The following EML5 variants were observed in gnomAD, a reference collection of about 807,000 sequenced individuals.
EML5 encodes the protein EMAP like 5.
Under a neutral mutation model 250.0 loss-of-function variants are expected in EML5, and 120 were observed. The observed-to-expected ratio is 0.48, with a 90% CI of 0.41 to 0.56. The LOEUF (loss-of-function observed/expected upper bound fraction) is 0.56, where lower values mean the gene tolerates loss of function less well. EML5 is among the 20% of genes least tolerant of loss of function. The probability of loss-of-function intolerance (pLI) is 0.00; values close to 1 mark genes in which losing one functional copy is unlikely to be tolerated. For synonymous variants in EML5, 771 were observed against 806.5 expected (o/e 0.96, Z 0.75); for missense variants, 2,006 against 2,437.6 (o/e 0.82, Z 3.73).
At chr14:88,657,559 T>G in intron 26 of EML5, 57 bp from the exon 27 acceptor site, 1 of 1,462,840 alleles carries the variant, frequency 6.8e-7, no homozygotes, top group Non-Finnish European at 9.1e-7. Context: ...AATTATGATC[T>G]TATAAATTGG....
intron 21 of EML5, among the ~76,000 whole-genome samples, chr14:88,668,632 A>AAAAGAGGG (rs2092373363): frequency 6.6e-6 from 1 of 152,124 alleles, no homozygotes; most frequent in South Asian, 2.1e-4. Context: ...GTTCTGCTAC[A>AAAAGAGGG]AAAGAGGGAA....
chr14:88,648,568 G>A (rs1169494764), intron 28 of EML5, among the ~76,000 whole-genome samples: 3 of 151,926 alleles, frequency 2.0e-5, no homozygotes, highest in African/African-American at 7.3e-5. Flanking sequence ...GATTGGCTAG[G>A]CTGATCTTTA....
At chr14:88,728,638 G>A (rs769212425) in intron 7 of EML5, among the ~76,000 whole-genome samples, 19 of 152,044 alleles carry the variant, frequency 1.2e-4, no homozygotes, top group Non-Finnish European at 2.4e-4. Flanking sequence ...GAAGAGAAGA[G>A]GCTTGTCTTA....
At chr14:88,697,404 T>C (rs1380606451) in intron 14 of EML5, among the ~76,000 whole-genome samples, 1 of 152,080 alleles carries the variant, frequency 6.6e-6, no homozygotes, top group East Asian at 1.9e-4. Flanking sequence ...GTACTGGAGG[T>C]GGGCCTTCAG....
chr14:88,779,920 T>C (rs1048548067), intron 1 of EML5, among the ~76,000 whole-genome samples: 6 of 152,136 alleles, frequency 3.9e-5, no homozygotes, highest in Admixed American at 1.3e-4. Flanking sequence ...TGTGAGGAAA[T>C]AATTCTCTAT....
chr14:88,747,189 A>G (rs1175149582), intron 2 of EML5, among the ~76,000 whole-genome samples: 3 of 152,076 alleles, frequency 2.0e-5, no homozygotes, highest in Admixed American at 6.5e-5. Flanking sequence ...AGGCAGGTGG[A>G]TTGCTTGAGG....
intron 4 of EML5, among the ~76,000 whole-genome samples, chr14:88,742,986 C>T (rs1329409790): frequency 6.6e-6 from 1 of 151,954 alleles, no homozygotes. Context: ...AAGTTAATTC[C>T]AATTTGTTCC....
At chr14:88,645,002 G>A (rs1400310168) in intron 29 of EML5, among the ~76,000 whole-genome samples, 1 of 151,814 alleles carries the variant, frequency 6.6e-6, no homozygotes, top group Non-Finnish European at 1.5e-5. Context: ...TCAGGAGTGA[G>A]CCACCACACC....
At chr14:88,621,981 A>G in intron 37 of EML5, 1 of 421,852 alleles carries the variant, frequency 2.4e-6, no homozygotes, top group Non-Finnish European at 4.8e-6. Flanking sequence ...TACTATTCCT[A>G]TCTGGCTGTG....
intron 1 of EML5, among the ~76,000 whole-genome samples, chr14:88,791,493 T>C (rs2094607750): frequency 6.6e-6 from 1 of 152,212 alleles, no homozygotes. Context: ...AAGACACTGA[T>C]TGAAAATTAC....
At chr14:88,762,226 AC>A (rs1006551297) in intron 1 of EML5, among the ~76,000 whole-genome samples, 1 of 152,138 alleles carries the variant, frequency 6.6e-6, no homozygotes, top group African/African-American at 2.4e-5. Flanking sequence ...TTACAAAGAC[AC>A]GGGCCATGCG....
At chr14:88,643,117 C>T in intron 30 of EML5, 95 bp from the exon 31 acceptor site, 1 of 1,168,590 alleles carries the variant, frequency 8.6e-7, no homozygotes, top group South Asian at 1.9e-5. Context: ...TGTCTGCAGT[C>T]AAAATGGAGT....
At position 88,613,575 on chromosome 14, in the gene EML5, A is replaced by G. The variant is rs1228195715; in HGVS notation, c.*2243T>C. ...TTAAGAGTTTAATCTTTCAGTTGCT[A>G]TGGCTTATGAACAAGCTAAGGTTGA... On this transcript the variant is annotated 3_prime_UTR_variant, in exon 44 of 44. Transcript: ENST00000554922. 1 of 152,128 alleles carries G rather than the reference A, an allele frequency of 6.6e-6. No individual in the cohort carries two copies. The highest frequency in any genetic ancestry group is 6.5e-5 in the Admixed American group (1 of 15,270). 9.4% of individuals were successfully genotyped at this position (152,128 alleles called of 1,614,324 possible).
chr14:88,766,476 G>T (rs184046746), intron 1 of EML5, among the ~76,000 whole-genome samples: 2 of 152,110 alleles, frequency 1.3e-5, no homozygotes, highest in African/African-American at 4.8e-5. Flanking sequence ...GTCTCCCATA[G>T]CGCTCCCAGG....
chr14:88,657,681 G>A (rs550394242), intron 26 of EML5, among the ~76,000 whole-genome samples, 179 bp from the exon 27 acceptor site: 1 of 152,172 alleles, frequency 6.6e-6, no homozygotes, highest in South Asian at 2.1e-4. Flanking sequence ...ATGTAATGAT[G>A]TTTTCAAAGT....
chr14:88,759,032 G>A (rs28708816), intron 1 of EML5, among the ~76,000 whole-genome samples: 3,561 of 152,252 alleles, frequency 0.023, 138 homozygotes, highest in African/African-American at 0.082. Flanking sequence ...TAATGAGCTT[G>A]GGAATTTTTT....
intron 14 of EML5, among the ~76,000 whole-genome samples, chr14:88,697,485 A>G (rs1477078917): frequency 6.6e-6 from 1 of 152,194 alleles, no homozygotes; most frequent in African/African-American, 2.4e-5. Context: ...AGAGGGGGTT[A>G]AAGTACCAAG....
chr14:88,622,910 C>A (rs535733433), intron 36 of EML5, 192 bp from the exon 37 acceptor site: 38 of 422,594 alleles, frequency 9.0e-5, no homozygotes, highest in African/African-American at 4.7e-4. Flanking sequence ...AAATAAACAT[C>A]CAGTTTCAGT....
At chr14:88,789,489 A>T (rs2094585127) in intron 1 of EML5, among the ~76,000 whole-genome samples, 1 of 151,660 alleles carries the variant, frequency 6.6e-6, no homozygotes, top group African/African-American at 2.4e-5. Context: ...CACCACTGGC[A>T]ATCCCAGGTG....
Sources: gnomAD v4.1 joint callset for allele counts (sites outside exome capture counted in the v4.1 genomes callset) on GRCh38, gnomAD v4.1.1 for gene constraint, MANE v1.5 for transcripts, NCBI Gene and HGNC (gene_info 2026-07-23, HGNC 2026-07-21) for gene names.